The following TMEM50B variants were observed in gnomAD, a reference collection of about 807,000 sequenced individuals.
TMEM50B encodes the protein HCV p7-trans-regulated protein 3.
In TMEM50B, 14 loss-of-function variants were observed where a neutral mutation model predicts 23.4. The ratio of observed to expected loss-of-function variants is 0.60; its 90% CI spans 0.39 to 0.93. The LOEUF is 0.93. Among genes scored for constraint, TMEM50B ranks in the 40% least tolerant of loss-of-function variants. TMEM50B has a pLI of 0.00. For synonymous variants in TMEM50B, 64 were observed against 62.3 expected (o/e 1.03, Z -0.13); for missense variants, 159 against 193.0 (o/e 0.82, Z 1.04).
At chr21:33,465,430 C>A in intron 3 of TMEM50B, 21 bp from the exon 4 acceptor site, 1 of 1,593,290 alleles carries the variant, frequency 6.3e-7, no homozygotes, top group Non-Finnish European at 8.6e-7. Context: ...ACAAAATCAT[C>A]AAATGAATTT....
chr21:33,477,839 T>C (rs1178248777), intron 1 of TMEM50B, among the ~76,000 whole-genome samples: 1 of 147,862 alleles, frequency 6.8e-6, no homozygotes, highest in Non-Finnish European at 1.5e-5. Flanking sequence ...ATACATAAGT[T>C]AAAAATAAAC....
intron 7 of TMEM50B, among the ~76,000 whole-genome samples, chr21:33,443,728 G>A (rs538900620): frequency 4.6e-5 from 7 of 152,246 alleles, no homozygotes; most frequent in East Asian, 3.9e-4. Flanking sequence ...CTTTGGCATC[G>A]TATCGCAGTG....
At chr21:33,457,049 G>A (rs1021346129) in intron 5 of TMEM50B, among the ~76,000 whole-genome samples, 3 of 151,964 alleles carry the variant, frequency 2.0e-5, no homozygotes, top group African/African-American at 7.3e-5. Flanking sequence ...GAGGTCAGGA[G>A]TTTGAGACCA....
At chr21:33,439,571 G>A (rs2083990185) in intron 7 of TMEM50B, among the ~76,000 whole-genome samples, 1 of 151,712 alleles carries the variant, frequency 6.6e-6, no homozygotes, top group Non-Finnish European at 1.5e-5. Flanking sequence ...GTAGAGATGG[G>A]GTTTCACTAT....
chr21:33,442,714 A>C (rs2084018451), intron 7 of TMEM50B, among the ~76,000 whole-genome samples: 1 of 152,148 alleles, frequency 6.6e-6, no homozygotes, highest in East Asian at 1.9e-4. Context: ...TGAGGTCAGG[A>C]GTTCGACACC....
chr21:33,453,040 G>A (rs1408080486), intron 6 of TMEM50B, among the ~76,000 whole-genome samples: 1 of 152,154 alleles, frequency 6.6e-6, no homozygotes, highest in African/African-American at 2.4e-5. Flanking sequence ...CATTGCAGAA[G>A]TAGAGATTAA....
At chr21:33,454,102 CAAA>C (rs35393378) in intron 6 of TMEM50B, among the ~76,000 whole-genome samples, 2 of 100,318 alleles carry the variant, frequency 2.0e-5, no homozygotes. Flanking sequence ...GAATCCAGCT[CAAA>C]AAAAAAAAAA....
chr21:33,469,231 C>CT (rs1027901951), intron 1 of TMEM50B, among the ~76,000 whole-genome samples: 5 of 152,240 alleles, frequency 3.3e-5, no homozygotes, highest in African/African-American at 9.6e-5. Flanking sequence ...GGGCAGATCA[C>CT]TTGAGGCCAG....
At chr21:33,440,840 C>T (rs987930689) in intron 7 of TMEM50B, among the ~76,000 whole-genome samples, 1 of 151,904 alleles carries the variant, frequency 6.6e-6, no homozygotes, top group Non-Finnish European at 1.5e-5. Flanking sequence ...CAAGATTGCA[C>T]CACTGCACTC....
intron 3 of TMEM50B, 77 bp from the exon 4 acceptor site, chr21:33,465,486 C>T (rs926445205): frequency 2.2e-5 from 23 of 1,065,584 alleles, no homozygotes; most frequent in Middle Eastern, 3.0e-4. Flanking sequence ...AACACTTAGA[C>T]GGAAAACAGA....
At chr21:33,460,883 C>T (rs568784511) in intron 4 of TMEM50B, among the ~76,000 whole-genome samples, 1 of 152,312 alleles carries the variant, frequency 6.6e-6, no homozygotes, top group South Asian at 2.1e-4. Flanking sequence ...CTAATATGTC[C>T]CTTTTTAATC....
intron 5 of TMEM50B, among the ~76,000 whole-genome samples, chr21:33,459,650 A>G (rs1230289292): frequency 2.8e-5 from 4 of 143,448 alleles, no homozygotes; most frequent in Non-Finnish European, 6.0e-5. Flanking sequence ...CCTGGGTGAC[A>G]GAGTGAGACT....
chr21:33,445,230 C>A (rs1861356292), downstream of TMEM50B, among the ~76,000 whole-genome samples: 1 of 152,202 alleles, frequency 6.6e-6, no homozygotes, highest in South Asian at 2.1e-4. Flanking sequence ...GCACTCTCTA[C>A]ACTGGCATAA....
Position 33,476,213 on chromosome 21 carries a change from C to A in TMEM50B, c.-42+3625G>T, listed in dbSNP as rs191040505. The stretch of plus-strand genomic sequence containing the variant: ...GTTCAAGACCAGCCTGACAAAAGCC[C>A]GTCTCTACTAAGAATACAAAATTAG... On this transcript the variant is annotated intron_variant, in intron 1 of 6. Transcript: ENST00000542230. Among the ~76,000 whole-genome samples the A allele has an allele frequency of 9.3e-4, 141 of 151,986 alleles. 1 individual carries two copies. The highest frequency in any genetic ancestry group is 3.1e-3 in the African/African-American group (130 of 41,442).
At chr21:33,446,651 C>A (rs867448798), downstream of TMEM50B, among the ~76,000 whole-genome samples, 6 of 19,880 alleles carry the variant, frequency 3.0e-4, no homozygotes, top group Admixed American at 8.2e-4. Context: ...CACACACACA[C>A]ACACAAAAAA....
At chr21:33,461,319 A>G (rs564154849) in intron 4 of TMEM50B, among the ~76,000 whole-genome samples, 1 of 152,334 alleles carries the variant, frequency 6.6e-6, no homozygotes, top group East Asian at 1.9e-4. Flanking sequence ...AGGAAGAAGC[A>G]CTGATCAAAG....
At chr21:33,457,915 T>C (rs1252890474) in intron 5 of TMEM50B, among the ~76,000 whole-genome samples, 1 of 152,134 alleles carries the variant, frequency 6.6e-6, no homozygotes, top group East Asian at 1.9e-4. Flanking sequence ...TATTTTTTAA[T>C]AAATAGCTGA....
chr21:33,469,071 G>A, intron 1 of TMEM50B, 145 bp from the exon 2 acceptor site: 1 of 599,610 alleles, frequency 1.7e-6, no homozygotes, highest in South Asian at 2.1e-5. Flanking sequence ...ACTTCAACAA[G>A]TACCTAATTG....
intron 5 of TMEM50B, chr21:33,456,002 ACAAAGTTTTCTTTTAGT>A: frequency 1.4e-6 from 1 of 700,554 alleles, no homozygotes; most frequent in East Asian, 2.8e-5. Context: ...CAATGAACTT[ACAAAGTTTTCTTTTAGT>A]CAAAGTAATT....
Sources: gnomAD v4.1 joint callset for allele counts (sites outside exome capture counted in the v4.1 genomes callset) on GRCh38, gnomAD v4.1.1 for gene constraint, MANE v1.5 for transcripts, NCBI Gene and HGNC (gene_info 2026-07-23, HGNC 2026-07-21) for gene names.